The following TBP variants were observed in gnomAD, a reference collection of about 807,000 sequenced individuals.
The protein encoded by TBP is TATA-box-binding protein.
Under a neutral mutation model 46.2 loss-of-function variants are expected in TBP, and 12 were observed. The ratio of observed to expected loss-of-function variants is 0.26; its 90% confidence interval spans 0.17 to 0.42. TBP has a LOEUF of 0.42. Among genes scored for constraint, TBP ranks in the 10% least tolerant of loss-of-function variants. The probability of loss-of-function intolerance (pLI) is 1.00; values close to 1 mark genes in which losing one functional copy is unlikely to be tolerated. For missense variants in TBP, 229 were observed against 403.1 expected, an observed-to-expected ratio of 0.57 and a Z score of 3.70; for synonymous variants, 157 against 148.3, an observed-to-expected ratio of 1.06 and a Z score of -0.42.
rs1779044709 is a variant in TBP at position 170,557,155 on chromosome 6, G to A, written c.54+72G>A. 6 of 1,390,264 alleles carry A rather than the reference G, an allele frequency of 4.3e-6. No homozygotes were observed. The South Asian group carries it at 5.9e-5, about 14-fold the overall frequency. The allele number at this position is 1,390,264 out of a possible 1,614,324, so 86.1% of individuals were successfully genotyped here. ...GCAAGAGATGGTATCAAAAGGCAAGGAAGGGCATTTAATGATCTGTTTTTG... is the reference window on the plus strand; with the variant it reads ...GCAAGAGATGGTATCAAAAGGCAAGAAAGGGCATTTAATGATCTGTTTTTG... On this transcript the variant is annotated intron_variant, in intron 2 of 7. Coordinates refer to ENST00000392092, the MANE Select transcript of TBP (RefSeq NM_003194.5).
chr6:170,564,698 T>G, intron 4 of TBP, 66 bp downstream of exon 4: 1 of 1,112,598 alleles, frequency 9.0e-7, no homozygotes, highest in South Asian at 1.4e-5. Flanking sequence ...GTCTCTATAT[T>G]TTAATGTATT....
chr6:170,558,431 A>T (rs925706206), intron 2 of TBP, among the ~76,000 whole-genome samples: 2 of 152,202 alleles, frequency 1.3e-5, no homozygotes, highest in African/African-American at 4.8e-5. Context: ...TTGCCTGATT[A>T]CTAATGTTTC....
chr6:170,560,888 T>C (rs1328736826), intron 2 of TBP, among the ~76,000 whole-genome samples: 1 of 152,224 alleles, frequency 6.6e-6, no homozygotes, highest in Admixed American at 6.5e-5. Flanking sequence ...TTTAGAATAT[T>C]ACATAAACTT....
rs750797320 is a variant in TBP, at chr6:170,562,053, C to T, written c.317C>T (p.Thr106Met). The stretch of plus-strand genomic sequence containing the variant: ...GCAGCTGCAGCCGTTCAGCAGTCAA[C>T]GTCCCAGCAGGCAACACAGGGAACC... The part of the protein sequence containing the change: ...AVAAAAVQQS[T>M]SQQATQGTSG... Residue 106 changes from threonine (T) to methionine (M), a missense_variant, in exon 3 of 8, where the codon ACG becomes ATG. Coordinates refer to ENST00000392092, the MANE Select transcript of TBP (RefSeq NM_003194.5). The T allele has an allele frequency of 4.4e-5, 71 of 1,613,690 alleles. 1 individual carries two copies. The highest frequency in any genetic ancestry group is 1.6e-4 in the Middle Eastern group (1 of 6,084).
In TBP at chr6:170,562,243, TC is replaced by T; in HGVS notation, c.497+11del. 1 of 1,609,352 alleles carries T rather than the reference TC, an allele frequency of 6.2e-7. No individual in the cohort carries two copies. The highest frequency in any genetic ancestry group is 8.5e-7 in the Non-Finnish European group (1 of 1,176,272). On this transcript the variant is annotated intron_variant, in intron 3 of 7. Coordinates refer to ENST00000392092, the MANE Select transcript of TBP (RefSeq NM_003194.5). Reference sequence around the variant, plus strand: ...TTGTACCGCAGCTGCAGTGAGTACTTCGTGTTTTATGTTTCCTCCCACTTAG... The same window carrying T: ...TTGTACCGCAGCTGCAGTGAGTACTTGTGTTTTATGTTTCCTCCCACTTAG...
At chr6:170,560,750 C>T (rs1159549768) in intron 2 of TBP, among the ~76,000 whole-genome samples, 1 of 152,110 alleles carries the variant, frequency 6.6e-6, no homozygotes, top group Non-Finnish European at 1.5e-5. Context: ...TAGAAGTGAA[C>T]CTGAAGATGT....
chr6:170,569,415 C>T (rs1779332104), intron 5 of TBP, among the ~76,000 whole-genome samples, 197 bp from the exon 6 acceptor site: 1 of 152,188 alleles, frequency 6.6e-6, no homozygotes. Context: ...TTTGGCAGGC[C>T]TACAGTTTTC....
chr6:170,564,786 T>G (rs1779213097), intron 4 of TBP, among the ~76,000 whole-genome samples, 154 bp downstream of exon 4: 1 of 151,328 alleles, frequency 6.6e-6, no homozygotes, highest in African/African-American at 2.4e-5. Context: ...TTTGGGAGGC[T>G]GAGGAAGGAG....
At chr6:170,562,433 AG>A (rs1379050687) in intron 3 of TBP, among the ~76,000 whole-genome samples, 200 bp downstream of exon 3, 1 of 152,212 alleles carries the variant, frequency 6.6e-6, no homozygotes, top group East Asian at 1.9e-4. Context: ...GGCTCTTAAC[AG>A]GTTTAGAAAT....
chr6:170,556,671 A>G (rs1330873662), intron 1 of TBP, among the ~76,000 whole-genome samples: 1 of 152,230 alleles, frequency 6.6e-6, no homozygotes, highest in African/African-American at 2.4e-5. Flanking sequence ...ACATGTAACA[A>G]AATGATTTTT....
chr6:170,572,090 A>T, intron 7 of TBP, 96 bp from the exon 8 acceptor site: 1 of 934,572 alleles, frequency 1.1e-6, no homozygotes, highest in Admixed American at 1.7e-5. Flanking sequence ...TATGGTGAGA[A>T]TTGTGCTTGC....
Position 170,572,265 on chromosome 6 carries a change from A to G in TBP, c.1020A>G (p.Ter340=), listed in dbSNP as rs756475719. Residue 340 remains the stop codon, a stop_retained_variant, in exon 8 of 8, where the codon TAA becomes TAG. Transcript: ENST00000392092. ...TAAAGGGATTCAGGAAGACGACGTA[A>G]TGGCTCTCATGTACCCTTGCCTCCC... ...PILKGFRKTT[*] is the part of the protein sequence containing the mutation. The G allele has an allele frequency of 8.1e-6, 13 of 1,611,596 alleles. No individual in the cohort carries two copies. In the Admixed American group the frequency reaches 8.3e-5, roughly 10 times the overall value.
chr6:170,571,396 A>G lies in TBP; in HGVS notation c.846-14A>G, dbSNP rs770272859. ...AGCTCTTGATTTCTAAACTTTTTGC[A>G]ATTTTCCTTCTAGTTATGAGCCAGA... On this transcript the variant is annotated splice_polypyrimidine_tract_variant and intron_variant, in intron 6 of 7. Coordinates refer to ENST00000392092, the MANE Select transcript of TBP (RefSeq NM_003194.5). 3 of 1,601,658 alleles carry G rather than the reference A, an allele frequency of 1.9e-6. No individual in the cohort carries two copies. The highest frequency in any genetic ancestry group is 1.1e-5 in the South Asian group (1 of 89,842).
At position 170,572,334 on chromosome 6, in the gene TBP, G is replaced by C; in HGVS notation, c.*69G>C. On this transcript the variant is annotated 3_prime_UTR_variant, in exon 8 of 8. Coordinates refer to ENST00000392092, the MANE Select transcript of TBP (RefSeq NM_003194.5). ...TTTTTTAAACAAATCAGTTTGTTTT[G>C]GTACCTTTAAATGGTGGTGTTGTGA... 1 of 1,260,904 alleles carries C rather than the reference G, an allele frequency of 7.9e-7. No individual in the cohort carries two copies. The highest frequency in any genetic ancestry group is 1.1e-6 in the Non-Finnish European group (1 of 885,740). 78.1% of individuals were successfully genotyped at this position (1,260,904 alleles called of 1,614,324 possible). A position where few individuals can be genotyped will look rare whatever the true frequency, so the allele number is the denominator to read the frequency against.
At chr6:170,555,971 C>CT (rs1345379286) in intron 1 of TBP, among the ~76,000 whole-genome samples, 1 of 152,084 alleles carries the variant, frequency 6.6e-6, no homozygotes, top group Admixed American at 6.5e-5. Context: ...AAAAATATCT[C>CT]TGATATATTT....
chr6:170,560,491 C>A (rs1231892290), intron 2 of TBP, among the ~76,000 whole-genome samples: 1 of 152,152 alleles, frequency 6.6e-6, no homozygotes, highest in Admixed American at 6.5e-5. Flanking sequence ...GGGACATATG[C>A]TGTAGCTGCC....
intron 4 of TBP, among the ~76,000 whole-genome samples, 195 bp downstream of exon 4, chr6:170,564,827 C>T (rs1779214119): frequency 6.6e-6 from 1 of 151,172 alleles, no homozygotes; most frequent in Non-Finnish European, 1.5e-5. Context: ...TCACCACCAG[C>T]CCAGGCAACA....
intron 2 of TBP, among the ~76,000 whole-genome samples, chr6:170,561,183 G>A (rs189577196): frequency 6.6e-6 from 1 of 152,312 alleles, no homozygotes; most frequent in East Asian, 1.9e-4. Flanking sequence ...TAGCAATAAA[G>A]CATTTTTAAA....
intron 4 of TBP, 72 bp downstream of exon 4, chr6:170,564,704 G>A: frequency 9.5e-7 from 1 of 1,048,190 alleles, no homozygotes; most frequent in Non-Finnish European, 1.4e-6. Context: ...ATATTTTAAT[G>A]TATTTCACGC....
Sources: gnomAD v4.1 joint callset for allele counts (sites outside exome capture counted in the v4.1 genomes callset) on GRCh38, gnomAD v4.1.1 for gene constraint, MANE v1.5 for transcripts, NCBI Gene and HGNC (gene_info 2026-07-23, HGNC 2026-07-21) for gene names.